Variants in RLIM observed in about 807,000 individuals in gnomAD.
The protein encoded by RLIM is E3 ubiquitin-protein ligase RLIM.
Under a neutral mutation model 34.0 loss-of-function variants are expected in RLIM, and 2 were observed. The ratio of observed to expected loss-of-function variants is 0.06; its 90% confidence interval spans 0.02 to 0.19. The LOEUF (loss-of-function observed/expected upper bound fraction) is 0.19, where lower values mean the gene tolerates loss of function less well. Among genes scored for constraint, RLIM ranks in the 10% least tolerant of loss-of-function variants. The pLI is 1.00. For synonymous variants in RLIM, 169 were observed against 164.0 expected, an observed-to-expected ratio of 1.03 and a Z score of -0.23; for missense variants, 286 against 479.7, an observed-to-expected ratio of 0.60 and a Z score of 3.77.
intron 1 of RLIM, among the ~76,000 whole-genome samples, chrX:74,601,824 TAC>T (rs1403062235): frequency 3.6e-5 from 4 of 111,739 alleles, no homozygotes; most frequent in Non-Finnish European, 7.5e-5. Context: ...CTTGTTAAAA[TAC>T]AGATTCTGAT....
At chrX:74,594,644 C>T (rs1468001494) in intron 2 of RLIM, among the ~76,000 whole-genome samples, 1 of 111,426 alleles carries the variant, frequency 9.0e-6, no homozygotes, top group African/African-American at 3.3e-5. Flanking sequence ...CACGCCTGTA[C>T]TCCCAGCACT....
chrX:74,612,129 CAATT>C (rs765893086), intron 1 of RLIM, among the ~76,000 whole-genome samples: 1 of 111,875 alleles, frequency 8.9e-6, no homozygotes, highest in African/African-American at 3.2e-5. Flanking sequence ...TATCATGTAT[CAATT>C]ATGAATTTTT....
At chrX:74,594,451 A>C in intron 2 of RLIM, 62 bp from the exon 3 acceptor site, 1 of 670,320 alleles carries the variant, frequency 1.5e-6, no homozygotes, top group East Asian at 3.6e-5. Context: ...ATACTTTATC[A>C]GTGACTCACA....
At chrX:74,596,091 T>G in intron 1 of RLIM, 91 bp from the exon 2 acceptor site, 1 of 517,572 alleles carries the variant, frequency 1.9e-6, no homozygotes, top group Non-Finnish European at 2.9e-6. Context: ...AATGTAGGTC[T>G]AGAGATGGAT....
rs1250458507 is a variant in RLIM, at chrX:74,587,934, C to T, written c.*3506G>A. 1.8e-5 allele frequency: 2 copies of T among 112,085 alleles called. No homozygotes were observed. The highest frequency in any genetic ancestry group is 3.8e-5 in the Non-Finnish European group (2 of 53,242). 9.2% of individuals were successfully genotyped at this position (112,085 alleles called of 1,213,427 possible). ...CGTTTTTAAAAACTGTGTGTGTACA[C>T]ACACATATTTTATTTCCTGGTGCTA... On this transcript the variant is annotated 3_prime_UTR_variant, in exon 4 of 4. Transcript: ENST00000332687.
rs2079609467 is a variant in RLIM, at chrX:74,590,785, A to T, written c.*655T>A. ...AAATGAATGTGATTTTTTTTCACTT[A>T]CACAAGCATAGGCTTTTTAATATTT... is the stretch of plus-strand genomic sequence containing the variant. On this transcript the variant is annotated 3_prime_UTR_variant, in exon 4 of 4. Coordinates refer to ENST00000332687, the MANE Select transcript of RLIM (RefSeq NM_016120.4). The T allele has an allele frequency of 8.9e-6, 1 of 112,899 alleles. No individual in the cohort carries two copies. The highest frequency in any genetic ancestry group is 1.9e-5 in the Non-Finnish European group (1 of 53,335). The allele number at this position is 112,899 out of a possible 1,213,427, so 9.3% of individuals were successfully genotyped here.
chrX:74,586,036 C>A lies in RLIM; in HGVS notation c.*5404G>T, dbSNP rs186235851. ...TTGCTGCCCTGTTCTTTGTATGAAT[C>A]CAAGTAAACAACTATACCAAAGCAG... is the stretch of plus-strand genomic sequence containing the variant. On this transcript the variant is annotated 3_prime_UTR_variant, in exon 4 of 4. Transcript: ENST00000332687. 1 of 111,735 alleles carries A rather than the reference C, an allele frequency of 8.9e-6. No homozygotes were observed. Among genetic ancestry groups the A allele is most frequent in the Non-Finnish European group, 1.9e-5 (1 of 53,227 alleles). 9.2% of individuals were successfully genotyped at this position (111,735 alleles called of 1,213,427 possible).
rs1359344537 is a variant in RLIM at position 74,589,371 on chromosome X, A to G, written c.*2069T>C. 9.0e-6 allele frequency: 1 copy of G among 111,692 alleles called. No homozygotes were observed. The highest frequency in any genetic ancestry group is 2.8e-4 in the East Asian group (1 of 3,581). 9.2% of individuals were successfully genotyped at this position (111,692 alleles called of 1,213,427 possible). On this transcript the variant is annotated 3_prime_UTR_variant, in exon 4 of 4. Transcript: ENST00000332687. ...GGAGAAAAGGAGGCTCACAAATATA[A>G]AGGAATCCTGACTTTTACACGGACA...
At position 74,589,638 on chromosome X, in the gene RLIM, G is replaced by A. The variant is rs192576029; in HGVS notation, c.*1802C>T. Reference sequence around the variant, plus strand: ...TCTTTACAGCTAAGTTGGTAACAGTGAAGGTACCCAGACAATTCCTAAAGC... The same window carrying A: ...TCTTTACAGCTAAGTTGGTAACAGTAAAGGTACCCAGACAATTCCTAAAGC... On this transcript the variant is annotated 3_prime_UTR_variant, in exon 4 of 4. Coordinates refer to ENST00000332687, the MANE Select transcript of RLIM (RefSeq NM_016120.4). The A allele has an allele frequency of 8.9e-6, 1 of 112,316 alleles. No homozygotes were observed. Among genetic ancestry groups the A allele is most frequent in the Non-Finnish European group, 1.9e-5 (1 of 53,216 alleles). 9.3% of individuals were successfully genotyped at this position (112,316 alleles called of 1,213,427 possible).
intron 1 of RLIM, among the ~76,000 whole-genome samples, chrX:74,613,911 C>A (rs1003365039): frequency 3.6e-5 from 4 of 110,147 alleles, no homozygotes; most frequent in Non-Finnish European, 7.6e-5. Flanking sequence ...TAATACCCTG[C>A]AGAAGGGCTC....
chrX:74,583,400 C>T lies in RLIM; in HGVS notation c.*8040G>A, dbSNP rs1931263282. 3 of 731,055 alleles carry T rather than the reference C, an allele frequency of 4.1e-6. No homozygotes were observed. The highest frequency in any genetic ancestry group is 2.1e-5 in the South Asian group (1 of 47,743). 60.2% of individuals were successfully genotyped at this position (731,055 alleles called of 1,213,427 possible). A position where few individuals can be genotyped will look rare whatever the true frequency, so the allele number is the denominator to read the frequency against. On this transcript the variant is annotated 3_prime_UTR_variant, in exon 4 of 4. Transcript: ENST00000332687. ...CTTGTACATGAATAGCAGGCTGTTG[C>T]ACTGTAACTTGTGGCTGTGCATTAA...
In RLIM at chrX:74,585,564, T is replaced by C. The variant is rs899355925; in HGVS notation, c.*5876A>G. On this transcript the variant is annotated 3_prime_UTR_variant, in exon 4 of 4. Transcript: ENST00000332687. ...GACATCTTACATAGGGAAAAAAGCT[T>C]CTTCCTAAAAGATAACTATTAATAA... The C allele has an allele frequency of 5.3e-5, 6 of 112,262 alleles. No homozygotes were observed. The highest frequency in any genetic ancestry group is 1.9e-4 in the African/African-American group (6 of 30,926). The allele number at this position is 112,262 out of a possible 1,213,427, so 9.3% of individuals were successfully genotyped here.
At position 74,592,690 on chromosome X, in the gene RLIM, T is replaced by G. The variant is rs1290167595; in HGVS notation, c.625A>C (p.Arg209=). 1 of 1,212,026 alleles carries G rather than the reference T, an allele frequency of 8.3e-7. No homozygotes were observed. The highest frequency in any genetic ancestry group is 3.0e-5 in the East Asian group (1 of 33,847). ...LTEVPPTRGQ[R]RARSRSPDHR... ...TCTGGGCTCCTGCTTCTTGCCCTCC[T>G]CTGACCTCTGGTAGGTGGGACCTCT... The change falls in exon 4 of 4, where the codon AGG becomes CGG. Residue 209 remains arginine (R), a synonymous_variant. Transcript: ENST00000332687.
rs1194097273 is a variant in RLIM, at chrX:74,592,547, T to C, written c.768A>G (p.Val256=). 1.7e-6 allele frequency: 2 copies of C among 1,211,935 alleles called. No individual in the cohort carries two copies. The highest frequency in any genetic ancestry group is 2.2e-6 in the Non-Finnish European group (2 of 895,531). ...ISSQTFEHPL[V]NETEGSSRTR... ...TTCTAGAACTTCCCTCCGTCTCATTTACCAAAGGATGTTCAAAAGTCTGAG... is the reference window on the plus strand; with the variant it reads ...TTCTAGAACTTCCCTCCGTCTCATTCACCAAAGGATGTTCAAAAGTCTGAG... Residue 256 remains valine, a synonymous_variant, in exon 4 of 4, where the codon GTA becomes GTG. Transcript: ENST00000332687.
In RLIM at chrX:74,583,583, G is replaced by T. The variant is rs755336840; in HGVS notation, c.*7857C>A. ...TATTCCAGTCTATTTTGAGACTTCT[G>T]GAAATAAAACACCTTGATACCGTTT... is the stretch of plus-strand genomic sequence containing the variant. On this transcript the variant is annotated 3_prime_UTR_variant, in exon 4 of 4. Coordinates refer to ENST00000332687, the MANE Select transcript of RLIM (RefSeq NM_016120.4). 109 of 481,196 alleles carry T rather than the reference G, an allele frequency of 2.3e-4. No individual in the cohort carries two copies. In the South Asian group the frequency reaches 3.1e-3, roughly 14 times the overall value. 39.7% of individuals were successfully genotyped at this position (481,196 alleles called of 1,213,427 possible). A position where few individuals can be genotyped will look rare whatever the true frequency, so the allele number is the denominator to read the frequency against.
chrX:74,583,482 A>G lies in RLIM; in HGVS notation c.*7958T>C, dbSNP rs1931266879. On this transcript the variant is annotated 3_prime_UTR_variant, in exon 4 of 4. Transcript: ENST00000332687. ...ATATTTATACTGTGGAACGGTGCGG[A>G]CAGCAGGAGTAGCTGCAGCAGCTGT... 4.6e-6 allele frequency: 3 copies of G among 658,312 alleles called. No homozygotes were observed. In the East Asian group the frequency reaches 9.6e-5, roughly 21 times the overall value. The allele number at this position is 658,312 out of a possible 1,213,427, so 54.3% of individuals were successfully genotyped here. A position where few individuals can be genotyped will look rare whatever the true frequency, so the allele number is the denominator to read the frequency against.
intron 1 of RLIM, among the ~76,000 whole-genome samples, chrX:74,603,808 C>A (rs112370471): frequency 2.9e-3 from 321 of 110,932 alleles, no homozygotes; most frequent in Non-Finnish European, 4.6e-3. Flanking sequence ...TCAACATAAT[C>A]AAAAAAAATC....
At position 74,598,191 on chromosome X, in the gene RLIM, G is replaced by C. The variant is rs573143937; in HGVS notation, c.-23-2191C>G. On this transcript the variant is annotated intron_variant, in intron 1 of 3. Coordinates refer to ENST00000332687, the MANE Select transcript of RLIM (RefSeq NM_016120.4). ...TTTCTGAGCTCAAACTACAGTTCCA[G>C]AACTGTTTTGCAGACCCCAATGTAA... Among the ~76,000 whole-genome samples the C allele has an allele frequency of 4.5e-5, 5 of 111,860 alleles. No homozygotes were observed. The South Asian group carries it at 1.9e-3, about 42-fold the overall frequency.
chrX:74,589,529 T>C lies in RLIM; in HGVS notation c.*1911A>G, dbSNP rs1169162636. The C allele has an allele frequency of 2.7e-5, 3 of 112,406 alleles. No individual in the cohort carries two copies. Among genetic ancestry groups the C allele is most frequent in the African/African-American group, 9.7e-5 (3 of 31,004 alleles). The allele number at this position is 112,406 out of a possible 1,213,427, so 9.3% of individuals were successfully genotyped here. On this transcript the variant is annotated 3_prime_UTR_variant, in exon 4 of 4. Transcript: ENST00000332687. The stretch of plus-strand genomic sequence containing the variant: ...GCAGTACATATCCTTAGTAAACAAC[T>C]ACCATATTTACAAGTTAATTTCCTT...
Sources: allele counts gnomAD v4.1 joint callset (sites outside exome capture counted in the v4.1 genomes callset), GRCh38; gene constraint gnomAD v4.1.1; transcripts MANE v1.5; gene names NCBI Gene and HGNC (gene_info 2026-07-23, HGNC 2026-07-21).